PHRF1: variants seen among roughly 807,000 people sequenced by gnomAD.
PHRF1 encodes PHD and RING finger domain-containing protein 1.
PHRF1 carries 53 observed loss-of-function variants against 128.9 expected under a neutral mutation model. The observed-to-expected ratio is 0.41, with a 90% CI of 0.33 to 0.52. The LOEUF is 0.52. Ranked by LOEUF, PHRF1 falls within the 20% of genes least tolerant of loss-of-function variation. PHRF1 has a pLI of 0.21. For missense variants in PHRF1, 2,503 were observed against 2,284.5 expected (o/e 1.10, Z -1.95); for synonymous variants, 1,178 against 980.6 (o/e 1.20, Z -3.76).
intron 17 of PHRF1, 129 bp downstream of exon 17, chr11:611,211 G>C: frequency 6.9e-7 from 1 of 1,441,608 alleles, no homozygotes; most frequent in South Asian, 1.3e-5. Flanking sequence ...TTAGGGGTCA[G>C]GGGGCTGTAT....
At chr11:609,818 C>T in intron 14 of PHRF1, 98 bp downstream of exon 14, 1 of 810,194 alleles carries the variant, frequency 1.2e-6, no homozygotes, top group Non-Finnish European at 1.8e-6. Context: ...AGGCCCCGGC[C>T]TCCACCGAGG....
At chr11:598,555 C>G in intron 9 of PHRF1, 53 bp downstream of exon 9, 4 of 1,561,030 alleles carry the variant, frequency 2.6e-6, no homozygotes, top group Middle Eastern at 3.4e-4. Flanking sequence ...GACCCACGCC[C>G]GAGGTCCACT....
chr11:600,493 AATAT>A (rs35825045), intron 9 of PHRF1, among the ~76,000 whole-genome samples: 1,964 of 129,210 alleles, frequency 0.015, 42 homozygotes, highest in African/African-American at 0.051. Flanking sequence ...TGTCTCCAAA[AATAT>A]ATATATATAT....
intron 3 of PHRF1, among the ~76,000 whole-genome samples, chr11:585,913 G>T (rs1854525858): frequency 6.6e-6 from 1 of 151,976 alleles, no homozygotes; most frequent in South Asian, 2.1e-4. Flanking sequence ...CCAGGCTGGA[G>T]TGCAATCGTG....
chr11:583,449 C>A (rs530290019), intron 3 of PHRF1, among the ~76,000 whole-genome samples: 3 of 150,766 alleles, frequency 2.0e-5, no homozygotes, highest in Non-Finnish European at 4.4e-5. Flanking sequence ...CCCAAGAGGT[C>A]GAGGCTACAG....
rs1564864687 is a variant in PHRF1, at chr11:607,702, GGCCCCCA to G, written c.2256_2262del (p.Ser754MetfsTer205). ...CCCGGGGTGCACACGGGCAGCTCCC[GGCCCCCA>G]GCCCCCAGCTCCCATGGCAGTTTGG... On this transcript the variant is annotated frameshift_variant, in exon 14 of 18. Coordinates refer to ENST00000264555, the MANE Select transcript of PHRF1 (RefSeq NM_001286581.2). LOFTEE classifies it high-confidence loss of function. The G allele has an allele frequency of 6.2e-7, 1 of 1,610,244 alleles. No homozygotes were observed. Among genetic ancestry groups the G allele is most frequent in the Admixed American group, 1.7e-5 (1 of 59,814 alleles).
intron 1 of PHRF1, among the ~76,000 whole-genome samples, chr11:579,324 A>G (rs1234842741): frequency 6.6e-6 from 1 of 150,920 alleles, no homozygotes; most frequent in Non-Finnish European, 1.5e-5. Context: ...TTCATGTGAG[A>G]GAGTCTGCCT....
intron 9 of PHRF1, among the ~76,000 whole-genome samples, chr11:600,969 A>C (rs1699152643): frequency 6.6e-6 from 1 of 152,092 alleles, no homozygotes; most frequent in Admixed American, 6.5e-5. Flanking sequence ...CCGTCTCAAA[A>C]AAACAAAACA....
At chr11:602,795 ACT>A (rs1307843670) in intron 10 of PHRF1, among the ~76,000 whole-genome samples, 1 of 145,490 alleles carries the variant, frequency 6.9e-6, no homozygotes, top group Non-Finnish European at 1.5e-5. Context: ...ATGGAGTCTC[ACT>A]CTGTCCCCAC....
intron 4 of PHRF1, among the ~76,000 whole-genome samples, chr11:588,157 G>A (rs1358662277): frequency 6.6e-6 from 1 of 152,090 alleles, no homozygotes; most frequent in African/African-American, 2.4e-5. Context: ...CTTCAGGACC[G>A]TGACCTCACC....
chr11:589,983 A>C (rs1490482226), intron 4 of PHRF1, among the ~76,000 whole-genome samples: 1 of 147,406 alleles, frequency 6.8e-6, no homozygotes, highest in Admixed American at 6.7e-5. Flanking sequence ...GCAAACGGGC[A>C]CGGAGCGTGT....
In PHRF1 at chr11:587,449, T is replaced by C. The variant is rs971595208; in HGVS notation, c.405T>C (p.Ile135=). The stretch of plus-strand genomic sequence containing the variant: ...CCCATTACTTCTGCCTGGACTGCAT[T>C]GTCGAATGGTCCAAGGTGAGTTCAC... ...NCAHYFCLDC[I]VEWSKNANSC... is the part of the protein sequence containing the mutation. Residue 135 remains isoleucine (I), a synonymous_variant, in exon 4 of 18, where the codon ATT becomes ATC. Transcript: ENST00000264555. The C allele has an allele frequency of 6.2e-7, 1 of 1,613,242 alleles. No individual in the cohort carries two copies. The highest frequency in any genetic ancestry group is 8.5e-7 in the Non-Finnish European group (1 of 1,179,892).
intron 15 of PHRF1, 76 bp downstream of exon 15, chr11:610,423 G>A (rs2133101278): frequency 1.9e-6 from 3 of 1,543,388 alleles, no homozygotes; most frequent in South Asian, 2.4e-5. Context: ...ACACTAGGCT[G>A]GGGCTGAGGC....
At chr11:609,793 AGCCCCCCG>A in intron 14 of PHRF1, 73 bp downstream of exon 14, 1 of 1,059,090 alleles carries the variant, frequency 9.4e-7, no homozygotes, top group South Asian at 1.8e-5. Flanking sequence ...CCGAGGACAG[AGCCCCCCG>A]TGAGTAAGGC....
Position 607,263 on chromosome 11 carries a change from G to C in PHRF1, c.1807G>C (p.Asp603His), listed in dbSNP as rs769456302. The C allele has an allele frequency of 8.7e-6, 14 of 1,612,490 alleles. No individual in the cohort carries two copies. The highest frequency in any genetic ancestry group is 1.3e-5 in the African/African-American group (1 of 74,930). ...CACCGCGGGGGCGCCTGTGAGGCTG[G>C]ACTTGCCAGCAGCCCCTGGGGCGGT... ...ARTAGAPVRL[D>H]LPAAPGAVQA... is the part of the protein sequence containing the mutation. The change falls in exon 14 of 18, where the codon GAC (aspartate) becomes CAC (histidine). Residue 603 changes from aspartate to histidine, a missense_variant. By Grantham distance (81) the Asp-to-His change is moderately conservative. Transcript: ENST00000264555.
At chr11:592,754 C>T (rs182207558) in intron 6 of PHRF1, 80 bp downstream of exon 6, 31 of 1,470,554 alleles carry the variant, frequency 2.1e-5, no homozygotes, top group Admixed American at 1.0e-4. Flanking sequence ...AGAGCCTCTT[C>T]GCTCTGTGAA....
Position 587,172 on chromosome 11 carries a change from C to T in PHRF1, c.215-87C>T, listed in dbSNP as rs148681741. On this transcript the variant is annotated intron_variant, in intron 3 of 17. Coordinates refer to ENST00000264555, the MANE Select transcript of PHRF1 (RefSeq NM_001286581.2). ...GGCTGTGCATTGCCGACCTGGTGTC[C>T]TGAGCGCAGCCTGGGCCCGCTTGCC... 2.6e-3 allele frequency: 3,452 copies of T among 1,335,764 alleles called. 13 individuals carry two copies. The highest frequency in any genetic ancestry group is 3.5e-3 in the Admixed American group (176 of 50,228). 82.7% of individuals were successfully genotyped at this position (1,335,764 alleles called of 1,614,324 possible).
rs540216261 is a variant in PHRF1, at chr11:587,428, T to C, written c.384T>C (p.His128=). 2 of 1,613,574 alleles carry C rather than the reference T, an allele frequency of 1.2e-6. No homozygotes were observed. The highest frequency in any genetic ancestry group is 3.3e-5 in the Admixed American group (2 of 60,020). The change falls in exon 4 of 18, where the codon CAT becomes CAC. Residue 128 remains histidine (H), a synonymous_variant. Transcript: ENST00000264555. ...TGGGGACGCCGGAGAACTGTGCCCATTACTTCTGCCTGGACTGCATTGTCG... is the reference window on the plus strand; with the variant it reads ...TGGGGACGCCGGAGAACTGTGCCCACTACTTCTGCCTGGACTGCATTGTCG... ...QAVGTPENCA[H]YFCLDCIVEW...
intron 10 of PHRF1, 93 bp from the exon 11 acceptor site, chr11:605,026 G>A: frequency 7.7e-7 from 1 of 1,294,496 alleles, no homozygotes; most frequent in Non-Finnish European, 1.1e-6. Flanking sequence ...AGTGTTCACT[G>A]TTGCTGATGA....
Sources: gnomAD v4.1 joint callset for allele counts (sites outside exome capture counted in the v4.1 genomes callset) on GRCh38, gnomAD v4.1.1 for gene constraint, MANE v1.5 for transcripts, NCBI Gene and HGNC (gene_info 2026-07-23, HGNC 2026-07-21) for gene names.